The following GLDC variants were observed in gnomAD, a reference collection of about 807,000 sequenced individuals.
GLDC encodes the protein glycine dehydrogenase (decarboxylating), mitochondrial.
Under a neutral mutation model 121.3 loss-of-function variants are expected in GLDC, and 104 were observed. That is an observed-to-expected ratio of 0.86 (90% CI 0.73 to 1.01). The LOEUF (loss-of-function observed/expected upper bound fraction) is 1.01. Ranked by LOEUF, GLDC falls within the 50% of genes least tolerant of loss-of-function variation. GLDC has a pLI of 0.00. For missense variants in GLDC, 1,429 were observed against 1,306.6 expected (o/e 1.09, Z -1.44); for synonymous variants, 546 against 480.6 (o/e 1.14, Z -1.78).
At chr9:6,623,895 G>A (rs1819174484) in intron 2 of GLDC, among the ~76,000 whole-genome samples, 1 of 152,236 alleles carries the variant, frequency 6.6e-6, no homozygotes, top group Non-Finnish European at 1.5e-5. Context: ...CCCAGTAGGA[G>A]GAAAGATTAA....
intron 2 of GLDC, among the ~76,000 whole-genome samples, chr9:6,628,561 CAGA>C (rs1819295933): frequency 6.6e-6 from 1 of 152,134 alleles, no homozygotes; most frequent in Admixed American, 6.5e-5. Context: ...GAGGCCGAGG[CAGA>C]AGGATTGTTT....
rs1057513723 is a variant in GLDC, at chr9:6,602,044, T to A, written c.1155+65A>T. Reference sequence around the variant, plus strand: ...GTGAATAAATGAACAAATGAATGAATGAATGAGTAGCTCATTTCTGTGTAT... The same window carrying A: ...GTGAATAAATGAACAAATGAATGAAAGAATGAGTAGCTCATTTCTGTGTAT... On this transcript the variant is annotated intron_variant, in intron 8 of 24. Coordinates refer to ENST00000321612, the MANE Select transcript of GLDC (RefSeq NM_000170.3). 5.2e-6 allele frequency: 5 copies of A among 964,892 alleles called. No homozygotes were observed. The African/African-American group carries it at 8.0e-5, about 15-fold the overall frequency. 59.8% of individuals were successfully genotyped at this position (964,892 alleles called of 1,614,324 possible). A position where few individuals can be genotyped will look rare whatever the true frequency, so the allele number is the denominator to read the frequency against.
At chr9:6,631,897 G>A (rs1189206098) in intron 2 of GLDC, among the ~76,000 whole-genome samples, 8 of 152,084 alleles carry the variant, frequency 5.3e-5, no homozygotes, top group Non-Finnish European at 1.0e-4. Flanking sequence ...CAAGACCCCC[G>A]TCTCTACAAA....
intron 14 of GLDC, among the ~76,000 whole-genome samples, chr9:6,587,649 G>A (rs1467017112): frequency 1.3e-5 from 2 of 152,128 alleles, no homozygotes; most frequent in African/African-American, 4.8e-5. Context: ...TTCACTAAGT[G>A]GAACAAGAAA....
At chr9:6,568,331 G>C (rs922484504) in intron 15 of GLDC, among the ~76,000 whole-genome samples, 17 of 152,208 alleles carry the variant, frequency 1.1e-4, no homozygotes, top group Non-Finnish European at 7.3e-5. Flanking sequence ...AGTGCCACCT[G>C]TTGGTAGAAA....
chr9:6,556,550 T>C (rs779950776), intron 17 of GLDC, among the ~76,000 whole-genome samples: 2 of 152,144 alleles, frequency 1.3e-5, no homozygotes, highest in Admixed American at 1.3e-4. Flanking sequence ...CCCGGCACTC[T>C]GGGAGGCCGA....
At chr9:6,602,416 G>A (rs1427022735) in intron 7 of GLDC, among the ~76,000 whole-genome samples, 4 of 144,500 alleles carry the variant, frequency 2.8e-5, no homozygotes, top group African/African-American at 1.0e-4. Flanking sequence ...TCGCTCTTTC[G>A]CCCAGGCTGG....
At chr9:6,583,424 C>T (rs1308983444) in intron 15 of GLDC, among the ~76,000 whole-genome samples, 1 of 152,180 alleles carries the variant, frequency 6.6e-6, no homozygotes. Context: ...CTTGTAATCC[C>T]AGGACTTTGG....
intron 20 of GLDC, among the ~76,000 whole-genome samples, chr9:6,552,140 G>C (rs1475734638): frequency 6.6e-6 from 1 of 152,198 alleles, no homozygotes; most frequent in East Asian, 1.9e-4. Context: ...AGCAGGGAGA[G>C]AAGCAGCTAA....
chr9:6,546,575 C>T (rs1817395110), intron 21 of GLDC, among the ~76,000 whole-genome samples: 1 of 152,062 alleles, frequency 6.6e-6, no homozygotes, highest in Admixed American at 6.6e-5. Context: ...CCTGTGATGA[C>T]AATGCCTTCT....
intron 2 of GLDC, among the ~76,000 whole-genome samples, chr9:6,630,237 C>CCAG (rs1272665006): frequency 2.0e-5 from 3 of 151,888 alleles, no homozygotes; most frequent in East Asian, 3.9e-4. Context: ...CCACTGCACC[C>CCAG]CAGCCTGGGT....
At chr9:6,541,746 G>A (rs1253846021) in intron 21 of GLDC, 1 of 149,548 alleles carries the variant, frequency 6.7e-6, no homozygotes, top group Admixed American at 6.8e-5. Context: ...AGAATTGCTT[G>A]AACCTGGAAG....
intron 21 of GLDC, among the ~76,000 whole-genome samples, chr9:6,549,670 T>C (rs1347364032): frequency 3.3e-5 from 5 of 152,112 alleles, no homozygotes; most frequent in Non-Finnish European, 1.5e-5. Flanking sequence ...GCCTGGTTTT[T>C]AGTTCCCTCC....
chr9:6,556,316 G>A lies in GLDC; in HGVS notation c.2053-14C>T. ...GTGCTTATCCACCTGTGAAAGAAAA[G>A]GGGTAGAGAAGGACATGGAGGGAGG... On this transcript the variant is annotated splice_polypyrimidine_tract_variant and intron_variant, in intron 17 of 24. Coordinates refer to ENST00000321612, the MANE Select transcript of GLDC (RefSeq NM_000170.3). 6.2e-7 allele frequency: 1 copy of A among 1,611,034 alleles called. No individual in the cohort carries two copies. The highest frequency in any genetic ancestry group is 8.5e-7 in the Non-Finnish European group (1 of 1,177,196).
Position 6,558,582 on chromosome 9 carries a change from C to T in GLDC, c.2029G>A (p.Asp677Asn), listed in dbSNP as rs746744137. ...ACCATGGCCTTGAGGTGAACTGCAT[C>T]GATATTCCCATATTTATCCACCTCC... Reference protein sequence around the residue: ...PVEVDKYGNIDAVHLKAMVDK... With the variant: ...PVEVDKYGNINAVHLKAMVDK... The change falls in exon 17 of 25, where the codon GAT becomes AAT. Residue 677 changes from aspartate to asparagine, a missense_variant. Physicochemically the swap from Asp to Asn is conservative, Grantham distance 23 (BLOSUM62 1). Transcript: ENST00000321612. The T allele has an allele frequency of 7.4e-6, 12 of 1,614,066 alleles. No individual in the cohort carries two copies. The highest frequency in any genetic ancestry group is 1.3e-5 in the African/African-American group (1 of 74,920).
chr9:6,553,511 T>C lies in GLDC; in HGVS notation c.2316-2A>G. On this transcript the variant is annotated splice_acceptor_variant, in intron 19 of 24. Transcript: ENST00000321612. LOFTEE classifies it high-confidence loss of function. Reference sequence around the variant, plus strand: ...AAAAACGGGGCGAGATGTTTCTTCCTGTATTTTTTTTAAGTGCAAATTCAG... The same window carrying C: ...AAAAACGGGGCGAGATGTTTCTTCCCGTATTTTTTTTAAGTGCAAATTCAG... 1 of 1,601,160 alleles carries C rather than the reference T, an allele frequency of 6.2e-7. No homozygotes were observed. The highest frequency in any genetic ancestry group is 8.5e-7 in the Non-Finnish European group (1 of 1,172,720).
At chr9:6,567,809 C>T (rs544964335) in intron 15 of GLDC, among the ~76,000 whole-genome samples, 1 of 152,296 alleles carries the variant, frequency 6.6e-6, no homozygotes, top group Admixed American at 6.5e-5. Flanking sequence ...CTTTGTATGC[C>T]TGTCTTATCT....
chr9:6,633,784 G>C (rs947388720), intron 2 of GLDC, among the ~76,000 whole-genome samples: 1 of 142,656 alleles, frequency 7.0e-6, no homozygotes, highest in Non-Finnish European at 1.5e-5. Flanking sequence ...AGCTAGGCGT[G>C]TAATCCCAGC....
intron 11 of GLDC, among the ~76,000 whole-genome samples, chr9:6,589,782 C>T (rs1287366718): frequency 3.3e-5 from 5 of 152,026 alleles, no homozygotes; most frequent in Non-Finnish European, 5.9e-5. Context: ...ATAGGCCAGG[C>T]GCGGTGGCTC....
Sources: allele counts gnomAD v4.1 joint callset (sites outside exome capture counted in the v4.1 genomes callset), GRCh38; gene constraint gnomAD v4.1.1; transcripts MANE v1.5; gene names NCBI Gene and HGNC (gene_info 2026-07-23, HGNC 2026-07-21).